NIPBL: variants seen among roughly 807,000 people sequenced by gnomAD.
The protein encoded by NIPBL is nipped-B-like protein.
A neutral mutation model predicts 321.8 loss-of-function variants in NIPBL; 19 were observed. That is an observed-to-expected ratio of 0.06 (90% CI 0.04 to 0.09). The LOEUF is 0.09. Ranked by LOEUF, NIPBL falls within the 10% of genes least tolerant of loss-of-function variation. NIPBL has a pLI of 1.00. For synonymous variants in NIPBL, 1,106 were observed against 1,114.1 expected (o/e 0.99, Z 0.14); for missense variants, 2,210 against 3,327.0 (o/e 0.66, Z 8.26).
At chr5:36,955,738 G>GTT in intron 3 of NIPBL, 101 bp downstream of exon 3, 2 of 889,902 alleles carry the variant, frequency 2.2e-6, no homozygotes, top group Non-Finnish European at 1.8e-6. Context: ...TAGATACATA[G>GTT]TTTATTTTTT....
rs1216774708 is a variant in NIPBL, at chr5:36,890,340, C to T, written c.-80+13162C>T. On this transcript the variant is annotated intron_variant, in intron 1 of 46. Coordinates refer to ENST00000282516, the MANE Select transcript of NIPBL (RefSeq NM_133433.4). ...TGGAAGTTGGGTCAAAAGGTTTGAA[C>T]ATTTTTATGGCCTTTAATATATATT... Among the ~76,000 whole-genome samples the T allele has an allele frequency of 2.0e-5, 3 of 152,168 alleles. No homozygotes were observed. In the South Asian group the frequency reaches 6.2e-4, roughly 31 times the overall value.
chr5:37,008,558 T>C (rs1283069073), intron 19 of NIPBL, 65 bp from the exon 20 acceptor site: 1 of 843,302 alleles, frequency 1.2e-6, no homozygotes, highest in African/African-American at 1.7e-5. Flanking sequence ...TTAAATCACA[T>C]GATATTATTT....
At chr5:36,980,957 C>G (rs1051687167) in intron 9 of NIPBL, among the ~76,000 whole-genome samples, 2 of 151,504 alleles carry the variant, frequency 1.3e-5, no homozygotes, top group Non-Finnish European at 3.0e-5. Context: ...TAGGTGAGGT[C>G]ATAAATAAAA....
At position 37,008,001 on chromosome 5, in the gene NIPBL, T is replaced by C. The variant is rs587783943; in HGVS notation, c.4240-7T>C. The C allele has an allele frequency of 9.6e-6, 15 of 1,568,822 alleles. No homozygotes were observed. The Middle Eastern group carries it at 1.8e-3, about 193-fold the overall frequency. On this transcript the variant is annotated splice_polypyrimidine_tract_variant and splice_region_variant and intron_variant, in intron 18 of 46. Transcript: ENST00000282516. ...GTGTATACTACTTACTCTTCTTTTT[T>C]AAACAGGTTTCATCTATGGGAATAA...
At chr5:36,989,345 T>A (rs1745205434) in intron 10 of NIPBL, among the ~76,000 whole-genome samples, 2 of 152,176 alleles carry the variant, frequency 1.3e-5, no homozygotes, top group African/African-American at 4.8e-5. Flanking sequence ...AACTTCCCTA[T>A]CTTTCCATCA....
chr5:37,051,377 T>C (rs931577204), intron 40 of NIPBL: 2 of 194,514 alleles, frequency 1.0e-5, no homozygotes, highest in Non-Finnish European at 2.1e-5. Context: ...TTTTCGTAGC[T>C]TTGAGTATGG....
chr5:37,049,194 C>G lies in NIPBL; in HGVS notation c.6847C>G (p.Leu2283Val). 1 of 1,614,114 alleles carries G rather than the reference C, an allele frequency of 6.2e-7. No individual in the cohort carries two copies. Among genetic ancestry groups the G allele is most frequent in the Non-Finnish European group, 8.5e-7 (1 of 1,180,008 alleles). ...GAGTAGTTCCATCATGCAGCTTTAT[C>G]TCAAACAGGTGCTTGAGGCATTTTT... Reference protein sequence around the residue: ...GMSSSIMQLYLKQVLEAFFHT... With the variant: ...GMSSSIMQLYVKQVLEAFFHT... The change falls in exon 40 of 47, where the codon CTC (leucine) becomes GTC (valine). Residue 2283 changes from leucine (L) to valine (V), a missense_variant. Leu to Val is a conservative substitution (Grantham distance 32). Transcript: ENST00000282516.
chr5:36,915,576 C>T (rs1176855740), intron 1 of NIPBL, among the ~76,000 whole-genome samples: 1 of 151,994 alleles, frequency 6.6e-6, no homozygotes, highest in South Asian at 2.1e-4. Context: ...GAACAAACGC[C>T]AAAGCTATAT....
rs1490821256 is a variant in NIPBL, at chr5:36,986,049, G to A, written c.2869G>A (p.Val957Ile). ...CAGGTCTGGTGCGTTGAAAAATTTT[G>A]TCATTCCGAAAATCAAGAGGGATAA... ...GGRSGALKNF[V>I]IPKIKRDKDG... The change falls in exon 10 of 47, where the codon GTC (valine) becomes ATC (isoleucine). Residue 957 changes from valine (V) to isoleucine (I), a missense_variant. Physicochemically the swap from Val to Ile is conservative, Grantham distance 29. Coordinates refer to ENST00000282516, the MANE Select transcript of NIPBL (RefSeq NM_133433.4). 1 of 1,613,860 alleles carries A rather than the reference G, an allele frequency of 6.2e-7. No homozygotes were observed. Among genetic ancestry groups the A allele is most frequent in the South Asian group, 1.1e-5 (1 of 91,076 alleles).
intron 40 of NIPBL, 38 bp downstream of exon 40, chr5:37,049,339 G>A: frequency 6.3e-7 from 1 of 1,593,906 alleles, no homozygotes; most frequent in Non-Finnish European, 8.6e-7. Context: ...TACTAAAAGA[G>A]CAAGATTAGT....
chr5:36,938,613 G>T (rs1295946285), intron 1 of NIPBL, among the ~76,000 whole-genome samples: 1 of 152,100 alleles, frequency 6.6e-6, no homozygotes, highest in Admixed American at 6.6e-5. Context: ...ATTAAACTTT[G>T]TTCAGTGATA....
intron 27 of NIPBL, 115 bp downstream of exon 27, chr5:37,020,992 T>G (rs755274435): frequency 1.2e-6 from 1 of 853,066 alleles, no homozygotes; most frequent in Non-Finnish European, 2.0e-6. Context: ...AGATCATAGA[T>G]GTAGTATTTG....
At chr5:36,936,817 T>C (rs557655221) in intron 1 of NIPBL, among the ~76,000 whole-genome samples, 1 of 151,630 alleles carries the variant, frequency 6.6e-6, no homozygotes, top group African/African-American at 2.4e-5. Context: ...GAGACTTAAC[T>C]CATTGGATTA....
chr5:37,056,026 T>C (rs996865647), intron 42 of NIPBL, among the ~76,000 whole-genome samples: 2 of 152,094 alleles, frequency 1.3e-5, no homozygotes, highest in Admixed American at 6.6e-5. Flanking sequence ...CAGTCTAAAC[T>C]ATTCTTTGAA....
At chr5:36,906,932 T>C (rs1425346550) in intron 1 of NIPBL, among the ~76,000 whole-genome samples, 1 of 152,164 alleles carries the variant, frequency 6.6e-6, no homozygotes, top group Non-Finnish European at 1.5e-5. Flanking sequence ...TACACTACAT[T>C]GTAACTTTAG....
intron 9 of NIPBL, among the ~76,000 whole-genome samples, chr5:36,984,432 A>T (rs1199774955): frequency 6.6e-6 from 1 of 152,132 alleles, no homozygotes; most frequent in Non-Finnish European, 1.5e-5. Flanking sequence ...TTATATCCTT[A>T]AAGAGTATGC....
Position 36,921,894 on chromosome 5 carries a change from T to G in NIPBL, c.-79-31724T>G, listed in dbSNP as rs143816594. 8.3e-4 allele frequency among the ~76,000 whole-genome samples: 125 copies of G among 150,188 alleles called. No homozygotes were observed. In the East Asian group the frequency reaches 0.019, roughly 22 times the overall value. On this transcript the variant is annotated intron_variant, in intron 1 of 46. Transcript: ENST00000282516. ...TTTTTTGGTTTTGGGTTTTTTTTGTTTTTTTTTTTTGAAACGAAGTCTTGC... is the reference window on the plus strand; with the variant it reads ...TTTTTTGGTTTTGGGTTTTTTTTGTGTTTTTTTTTTGAAACGAAGTCTTGC...
Position 36,985,980 on chromosome 5 carries a change from C to T in NIPBL, c.2800C>T (p.His934Tyr). ...NKSKVDTNKA[H>Y]PDNKAEFPSY... ...GAGTAAAGTAGACACTAATAAAGCA[C>T]ACCCTGACAATAAGGCAGAATTTCC... The change falls in exon 10 of 47, where the codon CAC (histidine) becomes TAC (tyrosine). Residue 934 changes from histidine (H) to tyrosine (Y), a missense_variant. Physicochemically the swap from His to Tyr is moderately conservative, Grantham distance 83 (BLOSUM62 2). Transcript: ENST00000282516. 1 of 1,613,970 alleles carries T rather than the reference C, an allele frequency of 6.2e-7. No individual in the cohort carries two copies. The highest frequency in any genetic ancestry group is 1.1e-5 in the South Asian group (1 of 91,076).
intron 1 of NIPBL, among the ~76,000 whole-genome samples, chr5:36,897,815 T>TC (rs1746874331): frequency 6.6e-6 from 1 of 151,602 alleles, no homozygotes; most frequent in Non-Finnish European, 1.5e-5. Context: ...TGGTCAGTAA[T>TC]TTCTGAAGTC....
Sources: gnomAD v4.1 joint callset for allele counts (sites outside exome capture counted in the v4.1 genomes callset) on GRCh38, gnomAD v4.1.1 for gene constraint, MANE v1.5 for transcripts, NCBI Gene and HGNC (gene_info 2026-07-23, HGNC 2026-07-21) for gene names.